Variants in ESRRG observed in about 807,000 individuals in gnomAD.
ESRRG encodes the protein estrogen related receptor gamma.
A neutral mutation model predicts 44.0 loss-of-function variants in ESRRG; 13 were observed. That is an observed-to-expected ratio of 0.30 (90% confidence interval 0.19 to 0.47). The LOEUF is 0.47. Ranked by LOEUF, ESRRG falls within the 20% of genes least tolerant of loss-of-function variation. ESRRG has a pLI of 1.00. For missense variants in ESRRG, 395 were observed against 580.6 expected, an observed-to-expected ratio of 0.68 and a Z score of 3.29; for synonymous variants, 215 against 214.6, an observed-to-expected ratio of 1.00 and a Z score of -0.02.
chr1:217,080,091 T>C (rs924025572), intron 1 of ESRRG, among the ~76,000 whole-genome samples: 1 of 152,230 alleles, frequency 6.6e-6, no homozygotes, highest in Non-Finnish European at 1.5e-5. Flanking sequence ...TAAATATATA[T>C]GAATTGACCA....
In ESRRG at chr1:216,989,403, G is replaced by C. The variant is rs151085276; in HGVS notation, c.-105-49730C>G. On this transcript the variant is annotated intron_variant, in intron 1 of 7. Transcript: ENST00000359162. ...AGCCGTGATGTTGCCACTGCACTCT[G>C]TCTGCATGGTAGAGACTCTGTCTCA... Among the ~76,000 whole-genome samples the C allele has an allele frequency of 3.6e-3, 465 of 128,914 alleles. 3 individuals are homozygous for C. The highest frequency in any genetic ancestry group is 0.013 in the African/African-American group (443 of 33,656). The allele number at this position is 128,914 out of a possible 152,430, so 84.6% of individuals were successfully genotyped here.
chr1:216,686,803 TC>T (rs1321720581), intron 1 of ESRRG, among the ~76,000 whole-genome samples: 3 of 152,166 alleles, frequency 2.0e-5, no homozygotes, highest in Admixed American at 6.6e-5. Flanking sequence ...CTCTCAGTTT[TC>T]TCATTTATAA....
intron 6 of ESRRG, among the ~76,000 whole-genome samples, chr1:216,518,411 T>C (rs2045047671): frequency 6.6e-6 from 1 of 152,056 alleles, no homozygotes; most frequent in Non-Finnish European, 1.5e-5. Context: ...TGACTGTCAG[T>C]GGTACATAGC....
chr1:216,829,005 A>G (rs1466807142), intron 2 of ESRRG, among the ~76,000 whole-genome samples: 1 of 152,210 alleles, frequency 6.6e-6, no homozygotes, highest in East Asian at 1.9e-4. Context: ...TATTAAAGAT[A>G]TGAAAAACAC....
chr1:217,133,631 TTC>T (rs375424445), intron 1 of ESRRG, among the ~76,000 whole-genome samples: 40 of 58,444 alleles, frequency 6.8e-4, no homozygotes, highest in African/African-American at 1.7e-3. Context: ...CTTTCTTTCT[TTC>T]TCTCTCTCTC....
At chr1:217,125,365 A>T (rs2092876676) in intron 1 of ESRRG, among the ~76,000 whole-genome samples, 1 of 152,212 alleles carries the variant, frequency 6.6e-6, no homozygotes, top group Non-Finnish European at 1.5e-5. Context: ...GCAGTACATA[A>T]TAGTACATAC....
chr1:216,961,117 T>A (rs2576219), intron 1 of ESRRG, among the ~76,000 whole-genome samples: 78,420 of 151,970 alleles, frequency 0.52, 21,954 homozygotes, highest in Middle Eastern at 0.7. Context: ...AAAAAAGACG[T>A]TGCCAGATGG....
At chr1:216,901,050 G>C (rs2059009478) in intron 2 of ESRRG, among the ~76,000 whole-genome samples, 1 of 152,120 alleles carries the variant, frequency 6.6e-6, no homozygotes, top group Non-Finnish European at 1.5e-5. Flanking sequence ...ATTGCTGCTG[G>C]GGGTTGCTTC....
intron 1 of ESRRG, among the ~76,000 whole-genome samples, chr1:216,942,991 T>C (rs2065489920): frequency 6.6e-6 from 1 of 152,184 alleles, no homozygotes; most frequent in South Asian, 2.1e-4. Context: ...AACTGTTTTG[T>C]AAGCTGATGA....
intron 1 of ESRRG, among the ~76,000 whole-genome samples, chr1:217,044,972 T>A (rs1338624907): frequency 6.6e-6 from 1 of 152,190 alleles, no homozygotes; most frequent in African/African-American, 2.4e-5. Flanking sequence ...TTTAATGTTA[T>A]CCTCAGCATA....
At position 216,926,230 on chromosome 1, in the gene ESRRG, C is replaced by T. The variant is rs76712889; in HGVS notation, c.-14+13352G>A. On this transcript the variant is annotated intron_variant, in intron 2 of 7. Transcript: ENST00000359162. ...CAGATCTGCACACACCTGGGAAACACCAGATCAGATGAATTTGGCCAGGTG... is the reference window on the plus strand; with the variant it reads ...CAGATCTGCACACACCTGGGAAACATCAGATCAGATGAATTTGGCCAGGTG... 4.5e-4 allele frequency among the ~76,000 whole-genome samples: 69 copies of T among 152,268 alleles called. 2 individuals carry two copies. The East Asian group carries it at 0.013, about 29-fold the overall frequency.
At position 216,954,629 on chromosome 1, in the gene ESRRG, A is replaced by G. The variant is rs79037812; in HGVS notation, c.-105-14956T>C. Among the ~76,000 whole-genome samples the G allele has an allele frequency of 2.3e-3, 344 of 152,300 alleles. 2 individuals are homozygous for G. Among genetic ancestry groups the G allele is most frequent in the African/African-American group, 7.6e-3 (315 of 41,572 alleles). On this transcript the variant is annotated intron_variant, in intron 1 of 7. Transcript: ENST00000359162. ...CATGCCTTGAGCATTCCACCAGTTG[A>G]ACAATATTCTGATTACCTAATCAGG... is the stretch of plus-strand genomic sequence containing the variant.
chr1:216,544,930 AT>A (rs1317871526), intron 5 of ESRRG, among the ~76,000 whole-genome samples: 1 of 152,078 alleles, frequency 6.6e-6, no homozygotes, highest in Non-Finnish European at 1.5e-5. Flanking sequence ...TAGGAAAACA[AT>A]TTAAGAATTA....
At chr1:216,963,017 G>A (rs573676091) in intron 1 of ESRRG, among the ~76,000 whole-genome samples, 1 of 152,164 alleles carries the variant, frequency 6.6e-6, no homozygotes, top group African/African-American at 2.4e-5. Flanking sequence ...CCCTGAACAA[G>A]TTCTATAATT....
At chr1:216,729,946 T>C (rs1229384012) in intron 2 of ESRRG, among the ~76,000 whole-genome samples, 2 of 152,088 alleles carry the variant, frequency 1.3e-5, no homozygotes, top group African/African-American at 4.8e-5. Flanking sequence ...GTCTGGGCAA[T>C]GGGGAATTAC....
intron 2 of ESRRG, among the ~76,000 whole-genome samples, chr1:216,818,174 C>G (rs554562385): frequency 2.6e-5 from 4 of 152,096 alleles, no homozygotes; most frequent in Admixed American, 2.6e-4. Context: ...CCTGAAACAG[C>G]TTTTTGGGAA....
chr1:217,136,174 T>C (rs1048814027), intron 1 of ESRRG, among the ~76,000 whole-genome samples: 1 of 152,112 alleles, frequency 6.6e-6, no homozygotes, highest in Non-Finnish European at 1.5e-5. Context: ...GGGTGGCTGT[T>C]GAAGACAGGG....
At chr1:217,067,761 T>TTA (rs1481585960) in intron 1 of ESRRG, among the ~76,000 whole-genome samples, 4 of 152,156 alleles carry the variant, frequency 2.6e-5, no homozygotes, top group Non-Finnish European at 5.9e-5. Flanking sequence ...TTAACTGATA[T>TTA]TAATAGAGTT....
chr1:216,682,875 T>C (rs2077270489), intron 1 of ESRRG, among the ~76,000 whole-genome samples: 1 of 152,036 alleles, frequency 6.6e-6, no homozygotes, highest in Non-Finnish European at 1.5e-5. Context: ...CAATGAGCTT[T>C]TTTCCCCCCT....
Sources: allele counts gnomAD v4.1 joint callset (sites outside exome capture counted in the v4.1 genomes callset), GRCh38; gene constraint gnomAD v4.1.1; transcripts MANE v1.5; gene names NCBI Gene and HGNC (gene_info 2026-07-23, HGNC 2026-07-21).